FMNL2: variants seen among roughly 807,000 people sequenced by gnomAD.
FMNL2 encodes formin-like protein 2.
In FMNL2, 51 loss-of-function variants were observed where a neutral mutation model predicts 130.2. The observed-to-expected ratio is 0.39, with a 90% CI of 0.31 to 0.49. The LOEUF (loss-of-function observed/expected upper bound fraction) is 0.49, where lower values mean the gene tolerates loss of function less well. FMNL2 is among the 20% of genes least tolerant of loss of function. FMNL2 has a pLI of 0.85. For synonymous variants in FMNL2, 465 were observed against 467.1 expected, an observed-to-expected ratio of 1.00 and a Z score of 0.06; for missense variants, 977 against 1,316.2, an observed-to-expected ratio of 0.74 and a Z score of 3.99.
At chr2:152,346,592 G>A (rs572769026) in intron 1 of FMNL2, among the ~76,000 whole-genome samples, 1 of 152,140 alleles carries the variant, frequency 6.6e-6, no homozygotes, top group East Asian at 2.0e-4. Context: ...CCAGCAGTTC[G>A]AGGCTGAAGT....
chr2:152,599,889 C>G (rs1490335431), intron 9 of FMNL2, among the ~76,000 whole-genome samples: 3 of 152,140 alleles, frequency 2.0e-5, no homozygotes, highest in Non-Finnish European at 2.9e-5. Flanking sequence ...GACATGAGAG[C>G]CAGCAGCAGG....
intron 9 of FMNL2, among the ~76,000 whole-genome samples, chr2:152,581,623 A>G (rs1580009158): frequency 2.0e-5 from 3 of 151,910 alleles, no homozygotes; most frequent in African/African-American, 7.3e-5. Context: ...GTATCCAAAC[A>G]TCACCGCCGC....
At chr2:152,647,659 G>A (rs1407617673) in intron 25 of FMNL2, 137 bp from the exon 26 acceptor site, 1 of 755,424 alleles carries the variant, frequency 1.3e-6, no homozygotes, top group Non-Finnish European at 2.4e-6. Context: ...TTGATTCAAT[G>A]CTCAGTGAGT....
intron 1 of FMNL2, among the ~76,000 whole-genome samples, chr2:152,375,110 C>G (rs1684082637): frequency 6.6e-6 from 1 of 152,206 alleles, no homozygotes; most frequent in African/African-American, 2.4e-5. Context: ...TATTGTTTCT[C>G]CAGTGAGTTA....
chr2:152,400,877 G>T (rs1238808179), intron 1 of FMNL2, among the ~76,000 whole-genome samples: 1 of 152,214 alleles, frequency 6.6e-6, no homozygotes, highest in Non-Finnish European at 1.5e-5. Context: ...TAGGGGTAAT[G>T]ATTTTGTAGT....
chr2:152,575,258 T>C lies in FMNL2; in HGVS notation c.705+14T>C. The stretch of plus-strand genomic sequence containing the variant: ...ATGAATTATCAGGTATGTTGGAGCT[T>C]CTGGTTCTTTTAAAAAAAACCTGAA... On this transcript the variant is annotated intron_variant, in intron 7 of 25. Coordinates refer to ENST00000288670, the MANE Select transcript of FMNL2 (RefSeq NM_052905.4). 6.5e-7 allele frequency: 1 copy of C among 1,530,450 alleles called. No individual in the cohort carries two copies. The highest frequency in any genetic ancestry group is 1.2e-5 in the South Asian group (1 of 84,950). The allele number at this position is 1,530,450 out of a possible 1,614,324, so 94.8% of individuals were successfully genotyped here.
chr2:152,469,346 G>A (rs927191447), intron 1 of FMNL2, among the ~76,000 whole-genome samples: 1 of 152,148 alleles, frequency 6.6e-6, no homozygotes, highest in African/African-American at 2.4e-5. Flanking sequence ...CATTGCCTTG[G>A]GACACCCCAT....
chr2:152,490,181 A>C (rs1391076444), intron 1 of FMNL2, among the ~76,000 whole-genome samples: 1 of 152,040 alleles, frequency 6.6e-6, no homozygotes. Flanking sequence ...AAACTTGCAA[A>C]AAAAGGGGAA....
intron 6 of FMNL2, among the ~76,000 whole-genome samples, chr2:152,567,221 T>C (rs1052675069): frequency 6.6e-6 from 1 of 152,136 alleles, no homozygotes; most frequent in Non-Finnish European, 1.5e-5. Context: ...AAATGGAATA[T>C]AATGAAAAAT....
chr2:152,605,321 T>C (rs898283311), intron 9 of FMNL2, among the ~76,000 whole-genome samples: 41 of 118,846 alleles, frequency 3.4e-4, no homozygotes, highest in Admixed American at 9.7e-4. Flanking sequence ...TGTGTGTGCG[T>C]GTGTGTGTGT....
intron 1 of FMNL2, among the ~76,000 whole-genome samples, chr2:152,375,877 C>CTCTCTCTCTATATATATATATATA (rs796954245): frequency 5.2e-4 from 58 of 112,458 alleles, no homozygotes; most frequent in South Asian, 2.9e-3. Flanking sequence ...CTCTCTCTCT[C>CTCTCTCTCTATATATATATATATA]TATATATATA....
intron 1 of FMNL2, among the ~76,000 whole-genome samples, chr2:152,492,129 T>A (rs983965594): frequency 6.6e-6 from 1 of 152,222 alleles, no homozygotes; most frequent in East Asian, 1.9e-4. Context: ...AGAAGTTTAT[T>A]ACCCTCTGAT....
chr2:152,380,036 C>T (rs748365760), intron 1 of FMNL2, among the ~76,000 whole-genome samples: 2 of 152,178 alleles, frequency 1.3e-5, no homozygotes, highest in Non-Finnish European at 2.9e-5. Context: ...GTTTCTGGGG[C>T]TACTCTTTCA....
chr2:152,353,043 G>A (rs1456064452), intron 1 of FMNL2, among the ~76,000 whole-genome samples: 3 of 152,164 alleles, frequency 2.0e-5, no homozygotes, highest in Non-Finnish European at 2.9e-5. Flanking sequence ...CTCTTGAGAT[G>A]CTGGGACACA....
chr2:152,511,085 G>A (rs557089814), intron 1 of FMNL2, among the ~76,000 whole-genome samples: 9 of 152,096 alleles, frequency 5.9e-5, no homozygotes, highest in African/African-American at 2.2e-4. Flanking sequence ...AGAAATGTAG[G>A]GTCCTCTGTT....
intron 1 of FMNL2, among the ~76,000 whole-genome samples, chr2:152,444,354 T>C (rs1688226728): frequency 6.6e-6 from 1 of 152,196 alleles, no homozygotes; most frequent in South Asian, 2.1e-4. Flanking sequence ...ATGGGTGGTC[T>C]GCATGACTAT....
chr2:152,368,474 T>TC (rs1683692976), intron 1 of FMNL2, among the ~76,000 whole-genome samples: 1 of 152,054 alleles, frequency 6.6e-6, no homozygotes, highest in African/African-American at 2.4e-5. Context: ...AAAGTTTTTT[T>TC]TTTTAAGCAG....
In FMNL2 at chr2:152,637,622, C is replaced by T. The variant is rs745753271; in HGVS notation, c.2894C>T (p.Thr965Ile). 3.1e-6 allele frequency: 5 copies of T among 1,614,026 alleles called. No individual in the cohort carries two copies. Among genetic ancestry groups the T allele is most frequent in the Non-Finnish European group, 4.2e-6 (5 of 1,179,888 alleles). Residue 965 changes from threonine to isoleucine, a missense_variant, in exon 23 of 26, where the codon ACA (threonine) becomes ATA (isoleucine). Transcript: ENST00000288670. ...TATTTTGGAGAAAACCCCAAGACAACACCACCCTCTGTCTTCTTTCCTGTC... is the reference window on the plus strand; with the variant it reads ...TATTTTGGAGAAAACCCCAAGACAATACCACCCTCTGTCTTCTTTCCTGTC... ...VKYFGENPKT[T>I]PPSVFFPVFV... is the part of the protein sequence containing the mutation.
chr2:152,385,100 C>A (rs978172097), intron 1 of FMNL2, among the ~76,000 whole-genome samples: 3 of 152,214 alleles, frequency 2.0e-5, no homozygotes, highest in East Asian at 3.9e-4. Context: ...ACACCCTCCC[C>A]ACAAAGTGTG....
Sources: gnomAD v4.1 joint callset for allele counts (sites outside exome capture counted in the v4.1 genomes callset) on GRCh38, gnomAD v4.1.1 for gene constraint, MANE v1.5 for transcripts, NCBI Gene and HGNC (gene_info 2026-07-23, HGNC 2026-07-21) for gene names.